Variants in KDM4C observed in about 807,000 individuals in gnomAD.
The protein encoded by KDM4C is lysine-specific demethylase 4C.
Under a neutral mutation model 129.3 loss-of-function variants are expected in KDM4C, and 81 were observed. That is an observed-to-expected ratio of 0.63 (90% confidence interval 0.52 to 0.75). The LOEUF is 0.75. Among genes scored for constraint, KDM4C ranks in the 30% least tolerant of loss-of-function variants. The pLI is 0.00. For synonymous variants in KDM4C, 573 were observed against 456.1 expected (o/e 1.26, Z -3.26); for missense variants, 1,457 against 1,304.0 (o/e 1.12, Z -1.81).
chr9:6,765,899 C>T (rs185218486), intron 1 of KDM4C, among the ~76,000 whole-genome samples: 5 of 152,182 alleles, frequency 3.3e-5, no homozygotes, highest in Admixed American at 2.0e-4. Context: ...AGCTATTCCC[C>T]TGCCTCAGTC....
At chr9:7,023,839 C>T (rs1825310789) in intron 15 of KDM4C, among the ~76,000 whole-genome samples, 1 of 152,076 alleles carries the variant, frequency 6.6e-6, no homozygotes, top group South Asian at 2.1e-4. Flanking sequence ...TTTCTGTTAT[C>T]ATTTGTTTCA....
intron 8 of KDM4C, among the ~76,000 whole-genome samples, chr9:6,945,980 A>G (rs957821006): frequency 6.6e-6 from 1 of 152,170 alleles, no homozygotes; most frequent in Admixed American, 6.5e-5. Flanking sequence ...AATTTATACC[A>G]TTCAAATGAG....
At chr9:6,734,867 T>G in intron 1 of KDM4C, 1 of 541,920 alleles carries the variant, frequency 1.8e-6, no homozygotes, top group South Asian at 1.5e-5. Context: ...TTTTGTTTCT[T>G]GCACCAATAA....
intron 19 of KDM4C, among the ~76,000 whole-genome samples, chr9:7,138,678 G>T (rs1841454004): frequency 6.6e-6 from 1 of 152,012 alleles, no homozygotes. Context: ...ATTTAGCCAG[G>T]CATGGTGACG....
chr9:6,842,381 C>CAT (rs1564139367), intron 4 of KDM4C, among the ~76,000 whole-genome samples: 18 of 138,778 alleles, frequency 1.3e-4, no homozygotes. Context: ...CAGTGGCATG[C>CAT]GATCATGGCT....
At chr9:6,733,343 G>C (rs1448486916) in intron 1 of KDM4C, among the ~76,000 whole-genome samples, 2 of 152,212 alleles carry the variant, frequency 1.3e-5, no homozygotes, top group African/African-American at 2.4e-5. Flanking sequence ...ATCTGAAATT[G>C]ATCTGCTCAT....
intron 3 of KDM4C, among the ~76,000 whole-genome samples, chr9:6,808,343 G>A (rs1038430364): frequency 1.4e-5 from 1 of 71,834 alleles, no homozygotes; most frequent in Non-Finnish European, 2.5e-5. Flanking sequence ...ATTTTGTTCT[G>A]CACTAAGAAA....
chr9:6,816,239 C>G (rs1353518192), intron 4 of KDM4C, among the ~76,000 whole-genome samples: 1 of 152,122 alleles, frequency 6.6e-6, no homozygotes, highest in Non-Finnish European at 1.5e-5. Context: ...TATTTTAAAA[C>G]CTTTTTTATT....
At position 7,111,174 on chromosome 9, in the gene KDM4C, C is replaced by T. The variant is rs143546000; in HGVS notation, c.2610+7304C>T. ...TTATTTAATACAATGTGATAAGCTG[C>T]GTTCTAAAGGCTTTTCAGATATTAA... On this transcript the variant is annotated intron_variant, in intron 18 of 21. Transcript: ENST00000381309. Among the ~76,000 whole-genome samples the T allele has an allele frequency of 1.5e-3, 223 of 152,010 alleles. 1 individual carries two copies. Among genetic ancestry groups the T allele is most frequent in the African/African-American group, 5.2e-3 (215 of 41,458 alleles).
At chr9:7,023,523 C>G (rs1000501409) in intron 15 of KDM4C, among the ~76,000 whole-genome samples, 9 of 151,832 alleles carry the variant, frequency 5.9e-5, no homozygotes, top group African/African-American at 1.7e-4. Context: ...TTTTGATCTT[C>G]TCTCCTTTTT....
chr9:7,008,348 A>G (rs1822056362), intron 12 of KDM4C, among the ~76,000 whole-genome samples: 1 of 152,054 alleles, frequency 6.6e-6, no homozygotes, highest in Non-Finnish European at 1.5e-5. Context: ...TCAGGTCAGT[A>G]CCCACATCCT....
chr9:6,928,879 G>A (rs1442806362), intron 8 of KDM4C, among the ~76,000 whole-genome samples: 4 of 152,160 alleles, frequency 2.6e-5, no homozygotes, highest in African/African-American at 9.7e-5. Context: ...GGGAATCCCA[G>A]CTGCCGGCTG....
chr9:6,991,553 C>G (rs1047777088), intron 12 of KDM4C, among the ~76,000 whole-genome samples: 17 of 152,128 alleles, frequency 1.1e-4, no homozygotes, highest in African/African-American at 3.9e-4. Context: ...GAGTCCTTCT[C>G]TGAAGTATTC....
intron 15 of KDM4C, among the ~76,000 whole-genome samples, chr9:7,026,235 T>C (rs1018349359): frequency 2.0e-5 from 3 of 151,450 alleles, no homozygotes; most frequent in African/African-American, 7.3e-5. Flanking sequence ...ACAGAAAAAC[T>C]CCCTTTAGCA....
At chr9:6,972,319 C>T (rs762257193) in intron 8 of KDM4C, among the ~76,000 whole-genome samples, 15 of 151,746 alleles carry the variant, frequency 9.9e-5, no homozygotes, top group Non-Finnish European at 1.6e-4. Context: ...AAAGAAAACA[C>T]ACACACACCT....
chr9:7,147,414 A>G (rs1388267313), intron 19 of KDM4C, among the ~76,000 whole-genome samples: 1 of 152,024 alleles, frequency 6.6e-6, no homozygotes, highest in African/African-American at 2.4e-5. Flanking sequence ...TTCTTTTTTT[A>G]GCTTTTGGAA....
chr9:7,036,519 G>T (rs818871), intron 15 of KDM4C, among the ~76,000 whole-genome samples: 1 of 152,198 alleles, frequency 6.6e-6, no homozygotes, highest in Admixed American at 6.5e-5. Flanking sequence ...AATTTTCATA[G>T]CATTGTAAAC....
chr9:7,165,480 A>G (rs1844285183), intron 20 of KDM4C, 123 bp downstream of exon 20: 2 of 1,117,758 alleles, frequency 1.8e-6, no homozygotes, highest in South Asian at 1.5e-5. Context: ...TATTTTATGC[A>G]GGAGGCAAAG....
intron 5 of KDM4C, among the ~76,000 whole-genome samples, chr9:6,857,021 T>C (rs1304593835): frequency 6.6e-6 from 1 of 151,736 alleles, no homozygotes; most frequent in Non-Finnish European, 1.5e-5. Flanking sequence ...CCTCCCATAA[T>C]TTTTGTATTT....
Sources: gnomAD v4.1 joint callset for allele counts (sites outside exome capture counted in the v4.1 genomes callset) on GRCh38, gnomAD v4.1.1 for gene constraint, MANE v1.5 for transcripts, NCBI Gene and HGNC (gene_info 2026-07-23, HGNC 2026-07-21) for gene names.